MGAT4C: variants seen among roughly 807,000 people sequenced by gnomAD.
The protein encoded by MGAT4C is alpha-1,3-mannosyl-glycoprotein 4-beta-N-acetylglucosaminyltransferase C.
MGAT4C carries 19 observed loss-of-function variants against 40.1 expected under a neutral mutation model. That is an observed-to-expected ratio of 0.47 (90% CI 0.33 to 0.70). The LOEUF is 0.70. Among genes scored for constraint, MGAT4C ranks in the 30% least tolerant of loss-of-function variants. The pLI is 0.02. For missense variants in MGAT4C, 491 were observed against 563.2 expected (o/e 0.87, Z 1.30); for synonymous variants, 181 against 187.1 (o/e 0.97, Z 0.27).
chr12:85,991,343 C>T (rs773202584), intron 2 of MGAT4C, among the ~76,000 whole-genome samples: 1 of 152,142 alleles, frequency 6.6e-6, no homozygotes, highest in Non-Finnish European at 1.5e-5. Context: ...GATCCATGGA[C>T]AGCCATGGGC....
chr12:86,450,294 TTATC>T (rs2136286365), intron 2 of MGAT4C, among the ~76,000 whole-genome samples: 1 of 152,294 alleles, frequency 6.6e-6, no homozygotes, highest in East Asian at 1.9e-4. Context: ...CATAATTTGA[TTATC>T]TATTTAGATA....
intron 4 of MGAT4C, among the ~76,000 whole-genome samples, chr12:86,296,317 A>T (rs925446766): frequency 2.0e-5 from 3 of 152,180 alleles, no homozygotes; most frequent in Non-Finnish European, 2.9e-5. Context: ...TCCCCACCAG[A>T]CTCAGGAGCC....
At chr12:86,788,461 T>C (rs529139471) in intron 1 of MGAT4C, among the ~76,000 whole-genome samples, 1 of 152,208 alleles carries the variant, frequency 6.6e-6, no homozygotes, top group East Asian at 1.9e-4. Flanking sequence ...ATCAACAGAT[T>C]TCTTTCTCAT....
intron 4 of MGAT4C, among the ~76,000 whole-genome samples, chr12:86,315,935 T>C (rs779678711): frequency 1.1e-4 from 16 of 151,334 alleles, no homozygotes; most frequent in Non-Finnish European, 1.6e-4. Flanking sequence ...AGGGAAAATA[T>C]TTACAAACTA....
intron 1 of MGAT4C, among the ~76,000 whole-genome samples, chr12:86,149,001 A>G (rs1310172135): frequency 2.6e-5 from 4 of 152,292 alleles, no homozygotes; most frequent in African/African-American, 9.6e-5. Context: ...CTGACATGAT[A>G]TATCAGTGGG....
At chr12:86,503,890 T>C (rs1958422351) in intron 2 of MGAT4C, among the ~76,000 whole-genome samples, 1 of 145,404 alleles carries the variant, frequency 6.9e-6, no homozygotes, top group South Asian at 2.2e-4. Context: ...ATTATAAAAA[T>C]CCACAGTTGG....
intron 1 of MGAT4C, among the ~76,000 whole-genome samples, chr12:86,795,752 GT>G (rs1470780368): frequency 6.6e-6 from 1 of 151,896 alleles, no homozygotes. Context: ...CCACAAACCT[GT>G]TCCAGGAATT....
At chr12:86,628,453 C>A (rs1199151768) in intron 2 of MGAT4C, among the ~76,000 whole-genome samples, 1 of 118,934 alleles carries the variant, frequency 8.4e-6, no homozygotes, top group Non-Finnish European at 1.7e-5. Context: ...GTCAGATTAA[C>A]CAAGGTTGAA....
At chr12:86,392,751 T>C (rs1956181157) in intron 3 of MGAT4C, among the ~76,000 whole-genome samples, 1 of 152,194 alleles carries the variant, frequency 6.6e-6, no homozygotes, top group Admixed American at 6.5e-5. Context: ...GACTGATAAA[T>C]ACATAATTGC....
intron 1 of MGAT4C, among the ~76,000 whole-genome samples, chr12:86,820,300 G>T (rs1333643706): frequency 6.6e-6 from 1 of 150,664 alleles, no homozygotes; most frequent in Non-Finnish European, 1.5e-5. Flanking sequence ...ACTATGGGTT[G>T]GTGGGAAGAC....
intron 1 of MGAT4C, among the ~76,000 whole-genome samples, chr12:86,762,100 G>T (rs1347832832): frequency 6.6e-6 from 1 of 151,474 alleles, no homozygotes; most frequent in Non-Finnish European, 1.5e-5. Flanking sequence ...TGCCCAGGCT[G>T]GAGTGCAGTG....
At chr12:86,502,027 T>G (rs1205333854) in intron 2 of MGAT4C, among the ~76,000 whole-genome samples, 2 of 152,024 alleles carry the variant, frequency 1.3e-5, no homozygotes, top group African/African-American at 4.8e-5. Context: ...TGGAAACCTT[T>G]AAAATTAGGA....
At chr12:86,538,547 CT>C in intron 2 of MGAT4C, among the ~76,000 whole-genome samples, 1 of 151,128 alleles carries the variant, frequency 6.6e-6, no homozygotes, top group African/African-American at 2.4e-5. Flanking sequence ...AACTCATATT[CT>C]TTTACTGATA....
At chr12:86,491,834 C>A (rs376992552) in intron 2 of MGAT4C, among the ~76,000 whole-genome samples, 1 of 151,226 alleles carries the variant, frequency 6.6e-6, no homozygotes, top group African/African-American at 2.4e-5. Context: ...GGTATTCAAT[C>A]AGGAAAAGAG....
chr12:86,510,344 T>C (rs1958551188), intron 2 of MGAT4C, among the ~76,000 whole-genome samples: 1 of 152,010 alleles, frequency 6.6e-6, no homozygotes, highest in Admixed American at 6.6e-5. Context: ...AAGGAAGCAC[T>C]AAACATGGAA....
rs979788764 is a variant in MGAT4C, at chr12:86,628,176, C to G, written c.-229+99033G>C. On this transcript the variant is annotated intron_variant, in intron 2 of 7. Transcript: ENST00000548651. ...TGAAGATCAAATGAATGAAATGAAG[C>G]TAGAAGAGAAGTTTAGAGGAAAAAA... Among the ~76,000 whole-genome samples the G allele has an allele frequency of 5.3e-5, 8 of 152,080 alleles. 1 individual carries two copies. The highest frequency in any genetic ancestry group is 2.6e-4 in the Admixed American group (4 of 15,252).
intron 2 of MGAT4C, among the ~76,000 whole-genome samples, chr12:86,538,011 T>C (rs1355287620): frequency 7.2e-5 from 11 of 152,112 alleles, no homozygotes; most frequent in Admixed American, 7.2e-4. Flanking sequence ...CACTTGAACC[T>C]GGGAGGTGGA....
At chr12:86,294,159 T>G (rs1953601933) in intron 4 of MGAT4C, among the ~76,000 whole-genome samples, 1 of 151,872 alleles carries the variant, frequency 6.6e-6, no homozygotes, top group South Asian at 2.1e-4. Flanking sequence ...GCAGTTCAAC[T>G]GTAACTTAGA....
At chr12:86,367,669 G>A (rs976510490) in intron 3 of MGAT4C, among the ~76,000 whole-genome samples, 24 of 152,090 alleles carry the variant, frequency 1.6e-4, no homozygotes, top group African/African-American at 5.6e-4. Flanking sequence ...CGTGGTGGCA[G>A]GTGCCTGTAG....
Sources: gnomAD v4.1 joint callset for allele counts (sites outside exome capture counted in the v4.1 genomes callset) on GRCh38, gnomAD v4.1.1 for gene constraint, MANE v1.5 for transcripts, NCBI Gene and HGNC (gene_info 2026-07-23, HGNC 2026-07-21) for gene names.